Variants in SLCO1C1 observed in about 807,000 individuals in gnomAD.
SLCO1C1 encodes OAT-RP-5.
SLCO1C1 carries 70 observed loss-of-function variants against 76.4 expected under a neutral mutation model. The observed-to-expected ratio is 0.92, with a 90% CI of 0.76 to 1.12. SLCO1C1 has a LOEUF of 1.12. SLCO1C1 is among the 50% of genes most tolerant of loss of function. The probability of loss-of-function intolerance (pLI) is 0.00; values close to 1 mark genes in which losing one functional copy is unlikely to be tolerated. For synonymous variants in SLCO1C1, 306 were observed against 286.1 expected, an observed-to-expected ratio of 1.07 and a Z score of -0.70; for missense variants, 912 against 823.8, an observed-to-expected ratio of 1.11 and a Z score of -1.31.
intron 9 of SLCO1C1, among the ~76,000 whole-genome samples, chr12:20,731,415 G>GA (rs1490605713): frequency 6.6e-6 from 1 of 152,180 alleles, no homozygotes; most frequent in Non-Finnish European, 1.5e-5. Context: ...AAAGAAAGAA[G>GA]AAAATTTGCA....
At chr12:20,731,577 C>G (rs1017470379) in intron 9 of SLCO1C1, among the ~76,000 whole-genome samples, 1 of 152,156 alleles carries the variant, frequency 6.6e-6, no homozygotes, top group African/African-American at 2.4e-5. Flanking sequence ...TACATGCAAA[C>G]TTTAGCCCTT....
chr12:20,735,136 TTATAAAA>T (rs1332837072), intron 10 of SLCO1C1, among the ~76,000 whole-genome samples: 2 of 152,222 alleles, frequency 1.3e-5, no homozygotes, highest in African/African-American at 4.8e-5. Context: ...GTATTTTTCT[TTATAAAA>T]TATAAAATGT....
At chr12:20,710,244 G>A (rs750643820) in intron 4 of SLCO1C1, among the ~76,000 whole-genome samples, 1 of 112,124 alleles carries the variant, frequency 8.9e-6, no homozygotes, top group Non-Finnish European at 1.6e-5. Flanking sequence ...GTCTCGCTCT[G>A]TCGCCCAGGC....
chr12:20,727,161 T>C (rs956867209), intron 9 of SLCO1C1, among the ~76,000 whole-genome samples: 6 of 152,202 alleles, frequency 3.9e-5, no homozygotes, highest in Non-Finnish European at 5.9e-5. Context: ...GTGATGAACA[T>C]ATGGGTGCAT....
chr12:20,749,046 C>A (rs937467778), intron 13 of SLCO1C1, among the ~76,000 whole-genome samples: 7 of 152,104 alleles, frequency 4.6e-5, no homozygotes, highest in Non-Finnish European at 1.0e-4. Flanking sequence ...ATCGATGAGT[C>A]TGGATTGAAT....
At chr12:20,741,384 A>C (rs1948809632) in intron 12 of SLCO1C1, among the ~76,000 whole-genome samples, 1 of 152,170 alleles carries the variant, frequency 6.6e-6, no homozygotes, top group Admixed American at 6.5e-5. Context: ...TTTTTATCAT[A>C]AGTTTAAATA....
intron 4 of SLCO1C1, among the ~76,000 whole-genome samples, chr12:20,706,610 CT>C: frequency 6.6e-6 from 1 of 152,240 alleles, no homozygotes; most frequent in East Asian, 1.9e-4. Context: ...ATGCACATGA[CT>C]TTAGTAGTTC....
chr12:20,740,285 G>A lies in SLCO1C1; in HGVS notation c.1650G>A (p.Met550Ile), dbSNP rs537883974. ...RCQKDNGCPQMFLYFLVISVI... is the reference protein window; with the variant it reads ...RCQKDNGCPQIFLYFLVISVI... ...AGAAAGACAATGGATGTCCCCAAATGTTTCTGTATTTCCTTGTAATTTCAG... is the reference window on the plus strand; with the variant it reads ...AGAAAGACAATGGATGTCCCCAAATATTTCTGTATTTCCTTGTAATTTCAG... Residue 550 changes from methionine to isoleucine, a missense_variant, in exon 12 of 15, where the codon ATG (methionine) becomes ATA (isoleucine). Coordinates refer to ENST00000266509, the MANE Select transcript of SLCO1C1 (RefSeq NM_017435.5). 3.7e-6 allele frequency: 6 copies of A among 1,613,734 alleles called. No individual in the cohort carries two copies. Among genetic ancestry groups the A allele is most frequent in the African/African-American group, 1.3e-5 (1 of 75,004 alleles).
At chr12:20,723,765 A>C (rs1290034249) in intron 9 of SLCO1C1, among the ~76,000 whole-genome samples, 1 of 152,152 alleles carries the variant, frequency 6.6e-6, no homozygotes, top group African/African-American at 2.4e-5. Context: ...AGAACTTACA[A>C]ATACATGACC....
chr12:20,732,863 T>C (rs762223144), intron 9 of SLCO1C1, 46 bp from the exon 10 acceptor site: 3 of 1,600,638 alleles, frequency 1.9e-6, no homozygotes, highest in South Asian at 1.1e-5. Context: ...TACACTCAAA[T>C]CTTTTTTAGA....
intron 9 of SLCO1C1, among the ~76,000 whole-genome samples, chr12:20,732,571 T>A (rs1948334432): frequency 1.3e-5 from 2 of 152,174 alleles, no homozygotes; most frequent in South Asian, 4.1e-4. Flanking sequence ...GCCTATTATT[T>A]TTTATATACA....
At chr12:20,735,915 AT>A (rs1177550894) in intron 10 of SLCO1C1, among the ~76,000 whole-genome samples, 1 of 152,178 alleles carries the variant, frequency 6.6e-6, no homozygotes, top group Non-Finnish European at 1.5e-5. Flanking sequence ...GAATACAAAA[AT>A]AGTTCCTGCC....
chr12:20,699,962 T>G (rs1946445361), intron 2 of SLCO1C1: 1 of 300,476 alleles, frequency 3.3e-6, no homozygotes, highest in African/African-American at 2.2e-5. Context: ...TAGTATTTAT[T>G]GAACTTCTGC....
intron 7 of SLCO1C1, among the ~76,000 whole-genome samples, chr12:20,717,882 T>C (rs1226044312): frequency 2.6e-5 from 4 of 151,862 alleles, no homozygotes; most frequent in African/African-American, 9.7e-5. Context: ...TCAGTATTTT[T>C]TTAAAGAATT....
At chr12:20,743,397 G>T (rs1315021640) in intron 13 of SLCO1C1, 28 bp downstream of exon 13, 7 of 1,538,882 alleles carry the variant, frequency 4.5e-6, no homozygotes, top group Non-Finnish European at 6.3e-6. Flanking sequence ...TTTAATTTAT[G>T]GTAGACACCG....
rs1948587260 is a variant in SLCO1C1, at chr12:20,737,145, C to G, written c.1421C>G (p.Ser474Ter). 6 of 1,550,124 alleles carry G rather than the reference C, an allele frequency of 3.9e-6. No homozygotes were observed. The East Asian group carries it at 1.5e-4, about 38-fold the overall frequency. Residue 474 changes from serine to a stop codon, truncating the protein, a stop_gained, in exon 11 of 15, where the codon TCA (serine) becomes TGA (stop). Coordinates refer to ENST00000266509, the MANE Select transcript of SLCO1C1 (RefSeq NM_017435.5). LOFTEE classifies it high-confidence loss of function. ...PVSYHERALF[S>*]DCNSRCKCSE... ...TCTTATCATGAACGAGCTCTCTTTTCAGATTGCAACTCAAGATGCAAATGT... is the reference window on the plus strand; with the variant it reads ...TCTTATCATGAACGAGCTCTCTTTTGAGATTGCAACTCAAGATGCAAATGT...
chr12:20,721,874 A>T lies in SLCO1C1; in HGVS notation c.846A>T (p.Gly282=), dbSNP rs1173321606. 1 of 1,614,164 alleles carries T rather than the reference A, an allele frequency of 6.2e-7. No individual in the cohort carries two copies. Among genetic ancestry groups the T allele is most frequent in the Non-Finnish European group, 8.5e-7 (1 of 1,180,016 alleles). ...GGTGGCTTGGCTATCTAATAGCAGG[A>T]ATCATAAGTCTTCTTGCAGCTGTGC... ...GAWWLGYLIA[G]IISLLAAVPF... is the part of the protein sequence containing the mutation. Residue 282 remains glycine, a synonymous_variant, in exon 8 of 15, where the codon GGA becomes GGT. Coordinates refer to ENST00000266509, the MANE Select transcript of SLCO1C1 (RefSeq NM_017435.5).
chr12:20,735,398 T>G (rs1248309588), intron 10 of SLCO1C1, among the ~76,000 whole-genome samples: 1 of 152,166 alleles, frequency 6.6e-6, no homozygotes. Context: ...AGGGGCTGAC[T>G]TCCTTGATCT....
chr12:20,701,276 C>T (rs370761629), intron 2 of SLCO1C1, 42 bp from the exon 3 acceptor site: 10 of 1,421,740 alleles, frequency 7.0e-6, no homozygotes, highest in African/African-American at 4.3e-5. Context: ...AATTGTGTGT[C>T]AAGCTGGAGT....
Sources: allele counts gnomAD v4.1 joint callset (sites outside exome capture counted in the v4.1 genomes callset), GRCh38; gene constraint gnomAD v4.1.1; transcripts MANE v1.5; gene names NCBI Gene and HGNC (gene_info 2026-07-23, HGNC 2026-07-21).